Variants in ACOXL observed in about 807,000 individuals in gnomAD.
The protein encoded by ACOXL is acyl-CoA oxidase like.
Under a neutral mutation model 71.9 loss-of-function variants are expected in ACOXL, and 70 were observed. The ratio of observed to expected loss-of-function variants is 0.97; its 90% confidence interval spans 0.80 to 1.19. The LOEUF (loss-of-function observed/expected upper bound fraction) is 1.19, where lower values mean the gene tolerates loss of function less well. Ranked by LOEUF, ACOXL falls within the 50% of genes most tolerant of loss-of-function variation. The pLI, the probability that ACOXL is intolerant of heterozygous loss-of-function variation, is 0.00. For missense variants in ACOXL, 703 were observed against 736.3 expected (o/e 0.95, Z 0.52); for synonymous variants, 253 against 281.6 (o/e 0.90, Z 1.02).
chr2:111,040,743 G>T (rs2065741858), intron 15 of ACOXL, among the ~76,000 whole-genome samples: 1 of 152,204 alleles, frequency 6.6e-6, no homozygotes, highest in African/African-American at 2.4e-5. Context: ...AAGGTGGAAA[G>T]GACATTCCGA....
At chr2:110,999,330 A>T (rs2063523801) in intron 14 of ACOXL, among the ~76,000 whole-genome samples, 1 of 151,826 alleles carries the variant, frequency 6.6e-6, no homozygotes, top group Non-Finnish European at 1.5e-5. Flanking sequence ...CTCTTTCAAG[A>T]CTCCCATCTC....
chr2:111,013,586 G>T lies in ACOXL; in HGVS notation c.1281+17582G>T, dbSNP rs116092654. Reference sequence around the variant, plus strand: ...GAAGATCTAAAAATGTCTGTTAAATGAATTTAATTCGCTTTTTTTCTTTTC... The same window carrying T: ...GAAGATCTAAAAATGTCTGTTAAATTAATTTAATTCGCTTTTTTTCTTTTC... On this transcript the variant is annotated intron_variant, in intron 14 of 17. Transcript: ENST00000439055. Among the ~76,000 whole-genome samples the T allele has an allele frequency of 9.5e-4, 140 of 147,516 alleles. 1 individual carries two copies. The highest frequency in any genetic ancestry group is 3.3e-3 in the African/African-American group (135 of 40,590).
intron 15 of ACOXL, among the ~76,000 whole-genome samples, chr2:111,037,141 C>T (rs1447915955): frequency 6.6e-6 from 1 of 152,172 alleles, no homozygotes; most frequent in Non-Finnish European, 1.5e-5. Context: ...GCCCGTCGGT[C>T]TTCATGCTGG....
At chr2:110,882,473 A>G (rs1696783342) in intron 10 of ACOXL, among the ~76,000 whole-genome samples, 1 of 152,168 alleles carries the variant, frequency 6.6e-6, no homozygotes, top group Non-Finnish European at 1.5e-5. Flanking sequence ...TAATTTTCAT[A>G]AAACCCAACA....
intron 16 of ACOXL, among the ~76,000 whole-genome samples, chr2:111,050,792 C>T (rs1293356495): frequency 2.0e-5 from 3 of 152,184 alleles, no homozygotes; most frequent in Non-Finnish European, 2.9e-5. Flanking sequence ...ATGGCCTCCC[C>T]GACTTGGGAT....
intron 16 of ACOXL, among the ~76,000 whole-genome samples, chr2:111,071,894 T>TA (rs1268564021): frequency 5.9e-5 from 9 of 152,134 alleles, no homozygotes; most frequent in Non-Finnish European, 1.3e-4. Flanking sequence ...AACTCCAAGA[T>TA]ACATGAGCCA....
At chr2:110,924,714 A>G (rs910209652) in intron 11 of ACOXL, among the ~76,000 whole-genome samples, 16 of 150,832 alleles carry the variant, frequency 1.1e-4, no homozygotes, top group African/African-American at 3.9e-4. Context: ...TGAACCCCTC[A>G]AAGTCATCCA....
intron 11 of ACOXL, among the ~76,000 whole-genome samples, chr2:110,925,529 A>G (rs1286417093): frequency 6.6e-6 from 1 of 152,224 alleles, no homozygotes. Flanking sequence ...TTTAGCCTCA[A>G]ACTTTTCTTT....
At chr2:110,841,542 C>A in intron 10 of ACOXL, 137 bp downstream of exon 10, 1 of 669,586 alleles carries the variant, frequency 1.5e-6, no homozygotes, top group South Asian at 1.9e-5. Flanking sequence ...TGGAATTGTT[C>A]TAGTTGCTTG....
chr2:110,904,344 G>T (rs183164995), intron 10 of ACOXL, among the ~76,000 whole-genome samples: 3 of 152,176 alleles, frequency 2.0e-5, no homozygotes, highest in African/African-American at 7.2e-5. Context: ...TTTGTTCAGA[G>T]CATCTAATGA....
intron 6 of ACOXL, 91 bp downstream of exon 6, chr2:110,798,815 T>C: frequency 7.7e-7 from 1 of 1,302,148 alleles, no homozygotes; most frequent in Non-Finnish European, 1.1e-6. Context: ...TTTTATCTTG[T>C]AAATAATTCA....
intron 14 of ACOXL, among the ~76,000 whole-genome samples, chr2:111,022,221 C>T (rs1574509082): frequency 6.6e-6 from 1 of 151,946 alleles, no homozygotes; most frequent in East Asian, 1.9e-4. Flanking sequence ...AAAAATTAGC[C>T]AGGCATGGTG....
At chr2:110,897,905 A>G (rs1350232322) in intron 10 of ACOXL, among the ~76,000 whole-genome samples, 1 of 152,178 alleles carries the variant, frequency 6.6e-6, no homozygotes, top group Non-Finnish European at 1.5e-5. Context: ...GGAATGATAC[A>G]GGGGATATTA....
chr2:110,789,611 A>G (rs1374662594), intron 3 of ACOXL, among the ~76,000 whole-genome samples: 1 of 152,146 alleles, frequency 6.6e-6, no homozygotes, highest in Non-Finnish European at 1.5e-5. Flanking sequence ...AAAGGCACCA[A>G]TCCCATTATT....
chr2:111,089,176 T>G (rs2068385089), intron 16 of ACOXL, among the ~76,000 whole-genome samples: 1 of 152,112 alleles, frequency 6.6e-6, no homozygotes, highest in Non-Finnish European at 1.5e-5. Flanking sequence ...GGCGTGAGCA[T>G]GTAGTCCCAG....
At chr2:110,818,451 GTATATATATATATA>G (rs755048740) in intron 9 of ACOXL, among the ~76,000 whole-genome samples, 1 of 135,824 alleles carries the variant, frequency 7.4e-6, no homozygotes, top group African/African-American at 2.8e-5. Flanking sequence ...GTGTGTGTGT[GTATATATATATATA>G]TGTATATGTG....
intron 9 of ACOXL, among the ~76,000 whole-genome samples, chr2:110,833,873 C>T (rs937466842): frequency 5.3e-5 from 8 of 152,008 alleles, no homozygotes; most frequent in Non-Finnish European, 8.8e-5. Context: ...CTTTGAATAC[C>T]TTTAAACTCT....
intron 1 of ACOXL, among the ~76,000 whole-genome samples, chr2:110,748,088 C>G (rs1369583324): frequency 6.6e-6 from 1 of 152,096 alleles, no homozygotes; most frequent in Admixed American, 6.6e-5. Flanking sequence ...AGAGCCCTGG[C>G]CACGTGGGGC....
At chr2:110,804,741 T>C (rs781372519) in intron 8 of ACOXL, among the ~76,000 whole-genome samples, 5 of 151,818 alleles carry the variant, frequency 3.3e-5, no homozygotes, top group Non-Finnish European at 7.4e-5. Flanking sequence ...AAAGACCAAA[T>C]GTGATATGAT....
Sources: gnomAD v4.1 joint callset for allele counts (sites outside exome capture counted in the v4.1 genomes callset) on GRCh38, gnomAD v4.1.1 for gene constraint, MANE v1.5 for transcripts, NCBI Gene and HGNC (gene_info 2026-07-23, HGNC 2026-07-21) for gene names.